The following KMT2C variants were observed in gnomAD, a reference collection of about 807,000 sequenced individuals.
The protein encoded by KMT2C is lysine methyltransferase 2C.
In KMT2C, 88 loss-of-function variants were observed where a neutral mutation model predicts 507.9. The ratio of observed to expected loss-of-function variants is 0.17; its 90% CI spans 0.15 to 0.21. The LOEUF (loss-of-function observed/expected upper bound fraction) is 0.21. KMT2C is among the 10% of genes least tolerant of loss of function. The pLI, the probability that KMT2C is intolerant of heterozygous loss-of-function variation, is 1.00. For synonymous variants in KMT2C, 2,049 were observed against 2,080.8 expected (o/e 0.98, Z 0.42); for missense variants, 4,954 against 5,957.8 (o/e 0.83, Z 5.55).
intron 16 of KMT2C, among the ~76,000 whole-genome samples, chr7:152,234,518 A>G (rs1479341880): frequency 2.0e-5 from 3 of 152,240 alleles, no homozygotes; most frequent in African/African-American, 7.2e-5. Context: ...ACTTTTCCAG[A>G]AAACTGAAGA....
chr7:152,209,743 T>TAAA (rs1174360544), intron 23 of KMT2C, among the ~76,000 whole-genome samples: 2 of 116,340 alleles, frequency 1.7e-5, no homozygotes, highest in Non-Finnish European at 1.8e-5. Flanking sequence ...CAATCTCCTT[T>TAAA]AAAAAAAAAA....
chr7:152,181,490 T>G lies in KMT2C; in HGVS notation c.6370A>C (p.Arg2124=). ...GAGTATGGGTCCTGAGATGTTGGCC[T>G]TGATATGGTTCCAGGCTGGGAAAAA... is the stretch of plus-strand genomic sequence containing the variant. ...RAFSQPGTIS[R]PTSQDPYSQP... Residue 2124 remains arginine (R), a synonymous_variant, in exon 36 of 59, where the codon AGG becomes CGG. Coordinates refer to ENST00000262189, the MANE Select transcript of KMT2C (RefSeq NM_170606.3). 6.2e-7 allele frequency: 1 copy of G among 1,614,042 alleles called. No individual in the cohort carries two copies. The highest frequency in any genetic ancestry group is 8.5e-7 in the Non-Finnish European group (1 of 1,180,006).
At chr7:152,147,707 CAAAAA>C (rs762588729) in intron 52 of KMT2C, among the ~76,000 whole-genome samples, 12 of 46,724 alleles carry the variant, frequency 2.6e-4, no homozygotes, top group East Asian at 5.2e-4. Context: ...AACTCCGTCT[CAAAAA>C]AAAAAAAAAA....
intron 1 of KMT2C, among the ~76,000 whole-genome samples, chr7:152,392,108 T>G (rs1378863782): frequency 6.6e-6 from 1 of 152,196 alleles, no homozygotes; most frequent in Non-Finnish European, 1.5e-5. Flanking sequence ...ATGTTTTATA[T>G]TTTTCTTTGC....
At chr7:152,359,825 T>C (rs992449617) in intron 1 of KMT2C, among the ~76,000 whole-genome samples, 27 of 151,506 alleles carry the variant, frequency 1.8e-4, no homozygotes, top group African/African-American at 6.5e-4. Flanking sequence ...GAGGCAGATA[T>C]ATCACCTGAG....
At chr7:152,384,557 C>CTACCACCACCACCACCACCACCAT (rs2097403866) in intron 1 of KMT2C, among the ~76,000 whole-genome samples, 3 of 96,838 alleles carry the variant, frequency 3.1e-5, no homozygotes, top group African/African-American at 9.1e-5. Context: ...AACACCACCA[C>CTACCACCACCACCACCACCACCAT]CACCACCACC....
intron 2 of KMT2C, among the ~76,000 whole-genome samples, chr7:152,336,329 G>A (rs149284500): frequency 2.6e-5 from 4 of 152,272 alleles, no homozygotes; most frequent in African/African-American, 9.6e-5. Context: ...AGTCAAGGCA[G>A]GACAACTGAG....
chr7:152,266,710 G>C (rs1354301187), intron 7 of KMT2C, among the ~76,000 whole-genome samples: 1 of 152,284 alleles, frequency 6.6e-6, no homozygotes, highest in African/African-American at 2.4e-5. Flanking sequence ...AATATTTTAG[G>C]CTTTGTGAGC....
At chr7:152,145,402 T>C (rs1452819384) in intron 53 of KMT2C, 107 bp from the exon 54 acceptor site, 20 of 1,103,618 alleles carry the variant, frequency 1.8e-5, no homozygotes, top group Middle Eastern at 4.2e-4. Context: ...CATCAGCGTT[T>C]TCCCCGATAA....
intron 43 of KMT2C, among the ~76,000 whole-genome samples, chr7:152,160,987 G>T (rs753069857): frequency 6.6e-6 from 1 of 152,128 alleles, no homozygotes; most frequent in Non-Finnish European, 1.5e-5. Flanking sequence ...ATATTGTCCA[G>T]ACGTATATAA....
At chr7:152,328,939 T>C (rs1457390092) in intron 3 of KMT2C, among the ~76,000 whole-genome samples, 2 of 152,074 alleles carry the variant, frequency 1.3e-5, no homozygotes, top group East Asian at 1.9e-4. Context: ...GAATCAAGCA[T>C]GGTACTGGAC....
chr7:152,215,688 TACACACACACATACACACACAAA>T lies in KMT2C; in HGVS notation c.3712+4812_3712+4834del, dbSNP rs2094562270. 5.1e-4 allele frequency among the ~76,000 whole-genome samples: 68 copies of T among 133,982 alleles called. 1 individual carries two copies. Among genetic ancestry groups the T allele is most frequent in the East Asian group, 2.5e-3 (10 of 4,000 alleles). 87.9% of individuals were successfully genotyped at this position (133,982 alleles called of 152,430 possible). ...ACAAAAGGAACAAAATATATATATA[TACACACACACATACACACACAAA>T]ATATATATATATACACACACACACA... On this transcript the variant is annotated intron_variant, in intron 23 of 58. Transcript: ENST00000262189.
At chr7:152,416,767 T>C (rs1176758663) in intron 1 of KMT2C, among the ~76,000 whole-genome samples, 1 of 140,236 alleles carries the variant, frequency 7.1e-6, no homozygotes, top group East Asian at 2.2e-4. Flanking sequence ...AAATAAGAGA[T>C]CAAGCCGGGC....
chr7:152,435,066 A>T (rs1417051309), intron 1 of KMT2C, among the ~76,000 whole-genome samples: 1 of 152,032 alleles, frequency 6.6e-6, no homozygotes, highest in Non-Finnish European at 1.5e-5. Flanking sequence ...TCATCAAAAG[A>T]AGAAAACACA....
intron 23 of KMT2C, among the ~76,000 whole-genome samples, chr7:152,214,469 G>T (rs1460166802): frequency 6.6e-6 from 1 of 152,044 alleles, no homozygotes; most frequent in Admixed American, 6.6e-5. Flanking sequence ...CATACAGCAG[G>T]TCCTCAAGTA....
chr7:152,350,407 A>T (rs1480143011), intron 2 of KMT2C, among the ~76,000 whole-genome samples: 1 of 152,228 alleles, frequency 6.6e-6, no homozygotes, highest in Non-Finnish European at 1.5e-5. Context: ...ATTCATCATT[A>T]GGCAATTTTG....
intron 1 of KMT2C, among the ~76,000 whole-genome samples, chr7:152,372,132 G>C (rs2097297649): frequency 6.6e-6 from 1 of 152,026 alleles, no homozygotes; most frequent in Admixed American, 6.6e-5. Flanking sequence ...AAAGAATTAA[G>C]CTCTCCAATA....
intron 2 of KMT2C, among the ~76,000 whole-genome samples, chr7:152,357,209 A>C (rs1429836044): frequency 6.6e-6 from 1 of 151,576 alleles, no homozygotes; most frequent in Non-Finnish European, 1.5e-5. Context: ...CCTGGGAGAG[A>C]GAGCAAGACT....
intron 1 of KMT2C, chr7:152,366,711 G>A (rs1297355904): frequency 6.0e-6 from 1 of 167,198 alleles, no homozygotes; most frequent in Non-Finnish European, 1.3e-5. Context: ...TCACTAAAAT[G>A]TACACTTAAA....
Sources: allele counts gnomAD v4.1 joint callset (sites outside exome capture counted in the v4.1 genomes callset), GRCh38; gene constraint gnomAD v4.1.1; transcripts MANE v1.5; gene names NCBI Gene and HGNC (gene_info 2026-07-23, HGNC 2026-07-21).